The following NRF1 variants were observed in gnomAD, a reference collection of about 807,000 sequenced individuals.
NRF1 encodes alpha palindromic-binding protein.
NRF1 carries 5 observed loss-of-function variants against 58.5 expected under a neutral mutation model. That is an observed-to-expected ratio of 0.09 (90% CI 0.04 to 0.18). The LOEUF (loss-of-function observed/expected upper bound fraction) is 0.18, where lower values mean the gene tolerates loss of function less well. NRF1 is among the 10% of genes least tolerant of loss of function. The pLI is 1.00. For synonymous variants in NRF1, 224 were observed against 246.7 expected, an observed-to-expected ratio of 0.91 and a Z score of 0.86; for missense variants, 288 against 657.7, an observed-to-expected ratio of 0.44 and a Z score of 6.15.
rs368760188 is a variant in NRF1, at chr7:129,649,622, A to T, written c.-6-7724A>T. On this transcript the variant is annotated intron_variant, in intron 1 of 10. Coordinates refer to ENST00000393232, the MANE Select transcript of NRF1 (RefSeq NM_005011.5). ...GTACCAGGGTGCTCTGGGCCAAGAC[A>T]ATCTTTTTCTGTGTTTTCTTCCACT... Among the ~76,000 whole-genome samples the T allele has an allele frequency of 1.6e-4, 24 of 152,180 alleles. No homozygotes were observed. In the East Asian group the frequency reaches 2.5e-3, roughly 16 times the overall value.
chr7:129,717,485 G>C, intron 9 of NRF1, 109 bp downstream of exon 9: 1 of 1,204,716 alleles, frequency 8.3e-7, no homozygotes. Context: ...GTTGGCAGTT[G>C]GAACTTAACA....
intron 1 of NRF1, among the ~76,000 whole-genome samples, chr7:129,642,776 T>TTTTTTTTTTG (rs1464724859): frequency 2.2e-5 from 3 of 137,044 alleles, no homozygotes; most frequent in East Asian, 2.4e-4. Context: ...TTTTTTTTTT[T>TTTTTTTTTTG]AAATGAGATA....
At chr7:129,664,875 T>G (rs1801883982) in intron 2 of NRF1, among the ~76,000 whole-genome samples, 1 of 152,228 alleles carries the variant, frequency 6.6e-6, no homozygotes, top group South Asian at 2.1e-4. Context: ...AGAGTTTGCT[T>G]CTTAGGAGTG....
At chr7:129,754,885 G>C (rs1445183791) in intron 10 of NRF1, 133 bp from the exon 11 acceptor site, 1 of 750,462 alleles carries the variant, frequency 1.3e-6, no homozygotes, top group Non-Finnish European at 2.0e-6. Context: ...CTTTGTGCCT[G>C]GGCCATGGGT....
At chr7:129,642,541 C>G (rs77950615) in intron 1 of NRF1, among the ~76,000 whole-genome samples, 2 of 151,906 alleles carry the variant, frequency 1.3e-5, no homozygotes, top group African/African-American at 4.8e-5. Context: ...ACAGTATATA[C>G]AATATAGGCT....
At chr7:129,631,897 T>C (rs1469220234) in intron 1 of NRF1, among the ~76,000 whole-genome samples, 1 of 152,240 alleles carries the variant, frequency 6.6e-6, no homozygotes, top group Non-Finnish European at 1.5e-5. Context: ...AGGTATTTTT[T>C]GGAACACGGA....
intron 1 of NRF1, among the ~76,000 whole-genome samples, chr7:129,632,134 G>C (rs1424526736): frequency 6.6e-6 from 1 of 152,076 alleles, no homozygotes; most frequent in African/African-American, 2.4e-5. Context: ...AATTAGCTGA[G>C]CGTGGGTAAT....
intron 10 of NRF1, among the ~76,000 whole-genome samples, chr7:129,729,240 TCC>T (rs1418328724): frequency 6.9e-6 from 1 of 145,424 alleles, no homozygotes; most frequent in East Asian, 2.0e-4. Context: ...TTATAATAAG[TCC>T]AAGGACCCTC....
chr7:129,645,945 G>T (rs1451459690), intron 1 of NRF1, among the ~76,000 whole-genome samples: 1 of 152,144 alleles, frequency 6.6e-6, no homozygotes, highest in Non-Finnish European at 1.5e-5. Context: ...CGCCTCCCGG[G>T]TTCAAGCGAT....
In NRF1 at chr7:129,671,512, A is replaced by C. The variant is rs549784782; in HGVS notation, c.307A>C (p.Ile103Leu). 2 of 1,612,584 alleles carry C rather than the reference A, an allele frequency of 1.2e-6. No homozygotes were observed. The highest frequency in any genetic ancestry group is 1.1e-5 in the South Asian group (1 of 91,050). Reference sequence around the variant, plus strand: ...TCATGTATTTGAGTCTAATCCATCTATCCGGAAGAGGCAACAAACACGTTT... The same window carrying C: ...TCATGTATTTGAGTCTAATCCATCTCTCCGGAAGAGGCAACAAACACGTTT... ...RPHVFESNPS[I>L]RKRQQTRLLR... is the part of the protein sequence containing the mutation. The change falls in exon 3 of 11, where the codon ATC becomes CTC. Residue 103 changes from isoleucine to leucine, a missense_variant. Coordinates refer to ENST00000393232, the MANE Select transcript of NRF1 (RefSeq NM_005011.5).
chr7:129,613,645 C>A (rs1233957534), intron 1 of NRF1, among the ~76,000 whole-genome samples: 1 of 151,972 alleles, frequency 6.6e-6, no homozygotes, highest in Non-Finnish European at 1.5e-5. Context: ...CACCTGTAAT[C>A]CCAGCACTTT....
intron 5 of NRF1, among the ~76,000 whole-genome samples, chr7:129,695,486 G>T (rs1185452841): frequency 6.6e-6 from 1 of 151,188 alleles, no homozygotes; most frequent in Non-Finnish European, 1.5e-5. Context: ...TGAGGCAGAA[G>T]AATCGCTTCA....
At chr7:129,673,108 A>T (rs1802087619) in intron 3 of NRF1, among the ~76,000 whole-genome samples, 2 of 152,200 alleles carry the variant, frequency 1.3e-5, no homozygotes, top group South Asian at 2.1e-4. Flanking sequence ...TCAGCTATCA[A>T]ATGCTGCTGA....
At chr7:129,722,526 G>T (rs986369266) in intron 9 of NRF1, among the ~76,000 whole-genome samples, 1 of 152,064 alleles carries the variant, frequency 6.6e-6, no homozygotes, top group Non-Finnish European at 1.5e-5. Flanking sequence ...CATGCCCCAC[G>T]TAAAGACCTT....
chr7:129,737,682 C>T (rs890233883), intron 10 of NRF1, among the ~76,000 whole-genome samples: 5 of 152,208 alleles, frequency 3.3e-5, no homozygotes, highest in African/African-American at 1.2e-4. Flanking sequence ...TTGTTTCTCC[C>T]CAAAAAGGTT....
At chr7:129,693,011 A>T (rs770887364) in intron 5 of NRF1, among the ~76,000 whole-genome samples, 21 of 152,194 alleles carry the variant, frequency 1.4e-4, no homozygotes, top group Non-Finnish European at 1.9e-4. Context: ...GAATTGTCTC[A>T]TTTATTAACT....
chr7:129,715,118 T>C (rs541077899), intron 8 of NRF1, among the ~76,000 whole-genome samples: 4 of 152,334 alleles, frequency 2.6e-5, no homozygotes, highest in Non-Finnish European at 2.9e-5. Context: ...AGTAACTAGA[T>C]ACAGGTATTC....
At chr7:129,673,630 T>G (rs1163212212) in intron 3 of NRF1, among the ~76,000 whole-genome samples, 3 of 137,400 alleles carry the variant, frequency 2.2e-5, no homozygotes, top group Non-Finnish European at 1.5e-5. Context: ...GGCAGGAGAA[T>G]GGCGTGAACC....
chr7:129,743,211 A>G (rs1317203863), intron 10 of NRF1, among the ~76,000 whole-genome samples: 1 of 151,382 alleles, frequency 6.6e-6, no homozygotes, highest in Non-Finnish European at 1.5e-5. Context: ...AACAATGAAA[A>G]GGAAATTTAA....
Sources: gnomAD v4.1 joint callset for allele counts (sites outside exome capture counted in the v4.1 genomes callset) on GRCh38, gnomAD v4.1.1 for gene constraint, MANE v1.5 for transcripts, NCBI Gene and HGNC (gene_info 2026-07-23, HGNC 2026-07-21) for gene names.